The following PTPRT variants were observed in gnomAD, a reference collection of about 807,000 sequenced individuals.
PTPRT encodes the protein receptor-type tyrosine-protein phosphatase T.
Under a neutral mutation model 176.8 loss-of-function variants are expected in PTPRT, and 56 were observed. That is an observed-to-expected ratio of 0.32 (90% CI 0.26 to 0.40). The LOEUF is 0.40. Among genes scored for constraint, PTPRT ranks in the 10% least tolerant of loss-of-function variants. PTPRT has a pLI of 1.00. For missense variants in PTPRT, 1,540 were observed against 1,908.2 expected, an observed-to-expected ratio of 0.81 and a Z score of 3.60; for synonymous variants, 783 against 739.0, an observed-to-expected ratio of 1.06 and a Z score of -0.96.
At chr20:42,758,346 AC>A (rs2076866642) in intron 5 of PTPRT, among the ~76,000 whole-genome samples, 1 of 152,126 alleles carries the variant, frequency 6.6e-6, no homozygotes, top group Admixed American at 6.5e-5. Context: ...GGAGAGGGGC[AC>A]AGGTACAGGT....
At chr20:42,580,502 C>T (rs1043190896) in intron 7 of PTPRT, among the ~76,000 whole-genome samples, 82 of 152,170 alleles carry the variant, frequency 5.4e-4, no homozygotes, top group African/African-American at 2.0e-3. Context: ...GGCAGTATGG[C>T]CATTTTCACG....
chr20:43,066,540 G>T (rs771431663), intron 1 of PTPRT, among the ~76,000 whole-genome samples: 3 of 152,198 alleles, frequency 2.0e-5, no homozygotes, highest in Non-Finnish European at 4.4e-5. Flanking sequence ...ATCTGAAGAA[G>T]TACGAGAGAC....
intron 1 of PTPRT, among the ~76,000 whole-genome samples, chr20:43,106,666 G>GAAAAAAAAAAA (rs71193676): frequency 3.4e-5 from 3 of 86,996 alleles, no homozygotes; most frequent in African/African-American, 4.7e-5. Context: ...CTCAAAAAAA[G>GAAAAAAAAAAA]AAAAAAAAAA....
At chr20:42,291,948 T>C (rs963727965) in intron 12 of PTPRT, among the ~76,000 whole-genome samples, 1 of 152,116 alleles carries the variant, frequency 6.6e-6, no homozygotes, top group African/African-American at 2.4e-5. Flanking sequence ...AGAATAGACT[T>C]ACGGTGCAAG....
At chr20:43,094,002 C>G (rs1179179201) in intron 1 of PTPRT, among the ~76,000 whole-genome samples, 1 of 152,132 alleles carries the variant, frequency 6.6e-6, no homozygotes, top group Non-Finnish European at 1.5e-5. Flanking sequence ...TGAGCCCCAT[C>G]CCCGTCATTC....
At chr20:42,536,483 C>T (rs955006137) in intron 7 of PTPRT, among the ~76,000 whole-genome samples, 6 of 152,102 alleles carry the variant, frequency 3.9e-5, no homozygotes, top group African/African-American at 9.7e-5. Context: ...TTTACTCTAC[C>T]GTAGCACATT....
At chr20:43,026,391 C>A (rs1985914538) in intron 1 of PTPRT, among the ~76,000 whole-genome samples, 1 of 152,274 alleles carries the variant, frequency 6.6e-6, no homozygotes, top group South Asian at 2.1e-4. Context: ...GCTGGGATTA[C>A]AAGTGTTAGC....
chr20:42,482,799 C>A (rs181645384), intron 7 of PTPRT, among the ~76,000 whole-genome samples: 193 of 152,206 alleles, frequency 1.3e-3, no homozygotes, highest in African/African-American at 4.3e-3. Context: ...TTTTTTCCCA[C>A]GGCTTAGCTC....
In PTPRT at chr20:42,813,985, G is replaced by A. The variant is rs533366563; in HGVS notation, c.215-22519C>T. ...TTTGCTTTGTTTATACCCCCATCCC[G>A]GCCCCAAGCCATTTTTTCTTATTAC... On this transcript the variant is annotated intron_variant, in intron 2 of 30. Coordinates refer to ENST00000373187, the MANE Select transcript of PTPRT (RefSeq NM_007050.6). Among the ~76,000 whole-genome samples, 373 of 151,924 alleles carry A rather than the reference G, an allele frequency of 2.5e-3. 2 individuals are homozygous for A. The highest frequency in any genetic ancestry group is 8.2e-3 in the African/African-American group (339 of 41,432).
intron 20 of PTPRT, among the ~76,000 whole-genome samples, chr20:42,118,790 C>T (rs1002589688): frequency 2.6e-5 from 4 of 151,956 alleles, no homozygotes; most frequent in African/African-American, 9.7e-5. Flanking sequence ...TGCTCAGACC[C>T]TTTCTACCAA....
intron 1 of PTPRT, among the ~76,000 whole-genome samples, chr20:43,070,592 T>C (rs533419079): frequency 2.6e-5 from 4 of 152,252 alleles, no homozygotes; most frequent in African/African-American, 9.6e-5. Context: ...CCATCAATGA[T>C]AGACTGGATT....
chr20:42,781,547 A>C lies in PTPRT; in HGVS notation c.487-1248T>G, dbSNP rs545968689. Reference sequence around the variant, plus strand: ...TTTTCTCTGTCTACCCTATATCTCCAAACCCTCCCTTTTATCCCTAATTTT... The same window carrying C: ...TTTTCTCTGTCTACCCTATATCTCCCAACCCTCCCTTTTATCCCTAATTTT... On this transcript the variant is annotated intron_variant, in intron 3 of 30. Transcript: ENST00000373187. Among the ~76,000 whole-genome samples the C allele has an allele frequency of 4.6e-5, 7 of 152,114 alleles. No individual in the cohort carries two copies. In the East Asian group the frequency reaches 1.4e-3, roughly 29 times the overall value.
rs1295492247 is a variant in PTPRT, at chr20:43,189,495, G to C, written c.88+151C>G. The C allele has an allele frequency of 2.4e-6, 1 of 409,408 alleles. No homozygotes were observed. Among genetic ancestry groups the C allele is most frequent in the African/African-American group, 2.1e-5 (1 of 47,798 alleles). 25.4% of individuals were successfully genotyped at this position (409,408 alleles called of 1,614,324 possible). A position where few individuals can be genotyped will look rare whatever the true frequency, so the allele number is the denominator to read the frequency against. On this transcript the variant is annotated intron_variant, in intron 1 of 30. Transcript: ENST00000373187. The surrounding 1 kb of genome is among the most constrained non-coding windows in gnomAD (Gnocchi z 5.0). ...GGGGCGCGCGGGGACACTGCTTCCC[G>C]CGCCTGCAAGCTGAGACCCGGGTTC...
At chr20:42,757,721 G>A (rs1033686896) in intron 5 of PTPRT, among the ~76,000 whole-genome samples, 2 of 152,192 alleles carry the variant, frequency 1.3e-5, no homozygotes, top group African/African-American at 4.8e-5. Context: ...CAAGTTGGTA[G>A]ACATCTCTAG....
chr20:42,559,290 C>A lies in PTPRT; in HGVS notation c.1154-86728G>T, dbSNP rs557939326. 7.2e-5 allele frequency among the ~76,000 whole-genome samples: 11 copies of A among 152,228 alleles called. No individual in the cohort carries two copies. In the South Asian group the frequency reaches 2.3e-3, roughly 32 times the overall value. ...TGCAAACCACCCTGGAATTTGTCTT[C>A]ATCGTCTTTCTTTTTGTGGCCCCAG... On this transcript the variant is annotated intron_variant, in intron 7 of 30. Transcript: ENST00000373187.
At chr20:42,711,360 G>C (rs918479951) in intron 6 of PTPRT, among the ~76,000 whole-genome samples, 1 of 114,988 alleles carries the variant, frequency 8.7e-6, no homozygotes, top group Non-Finnish European at 1.6e-5. Context: ...GGTGGGAGGT[G>C]TTTGGGTCAT....
chr20:42,094,622 G>C (rs1984998627), intron 27 of PTPRT, among the ~76,000 whole-genome samples: 1 of 152,126 alleles, frequency 6.6e-6, no homozygotes, highest in Non-Finnish European at 1.5e-5. Flanking sequence ...GGGTGCAGTG[G>C]CTCATGCCTA....
chr20:42,974,783 C>A lies in PTPRT; in HGVS notation c.89-88851G>T, dbSNP rs1187644170. Reference sequence around the variant, plus strand: ...TCTTATTTCTTCCACTTATCCCAATCCTTAACAAAAATTAAAACAAAAGCT... The same window carrying A: ...TCTTATTTCTTCCACTTATCCCAATACTTAACAAAAATTAAAACAAAAGCT... On this transcript the variant is annotated intron_variant, in intron 1 of 30. Coordinates refer to ENST00000373187, the MANE Select transcript of PTPRT (RefSeq NM_007050.6). 2.0e-5 allele frequency among the ~76,000 whole-genome samples: 3 copies of A among 152,328 alleles called. No individual in the cohort carries two copies. In the East Asian group the frequency reaches 5.8e-4, roughly 29 times the overall value.
chr20:42,344,688 C>T (rs2058161758), intron 11 of PTPRT, among the ~76,000 whole-genome samples: 1 of 152,090 alleles, frequency 6.6e-6, no homozygotes, highest in Admixed American at 6.6e-5. Flanking sequence ...GACTAGGGGC[C>T]TGTTTGCTCA....
Sources: allele counts gnomAD v4.1 joint callset (sites outside exome capture counted in the v4.1 genomes callset), GRCh38; gene constraint gnomAD v4.1.1; non-coding constraint Gnocchi (gnomAD v3.1); transcripts MANE v1.5; gene names NCBI Gene and HGNC (gene_info 2026-07-23, HGNC 2026-07-21).